Variants in LAPTM4B observed in about 807,000 individuals in gnomAD.
LAPTM4B encodes lysosomal-associated transmembrane protein 4B.
Under a neutral mutation model 28.5 loss-of-function variants are expected in LAPTM4B, and 26 were observed. The ratio of observed to expected loss-of-function variants is 0.91; its 90% CI spans 0.67 to 1.27. The LOEUF (loss-of-function observed/expected upper bound fraction) is 1.27. LAPTM4B is among the 50% of genes most tolerant of loss of function. LAPTM4B has a pLI of 0.00. For synonymous variants in LAPTM4B, 109 were observed against 106.4 expected, an observed-to-expected ratio of 1.02 and a Z score of -0.15; for missense variants, 288 against 285.8, an observed-to-expected ratio of 1.01 and a Z score of -0.06.
At chr8:97,815,454 A>G in intron 3 of LAPTM4B, 53 bp downstream of exon 3, 1 of 1,211,166 alleles carries the variant, frequency 8.3e-7, no homozygotes, top group Non-Finnish European at 1.2e-6. Context: ...TTACATGTGT[A>G]ATCTGTGCTG....
chr8:97,805,758 G>A (rs745920692), intron 2 of LAPTM4B, among the ~76,000 whole-genome samples: 3 of 152,134 alleles, frequency 2.0e-5, no homozygotes, highest in Non-Finnish European at 4.4e-5. Flanking sequence ...ATGCCAGGAA[G>A]GAAGGTGAAA....
intron 3 of LAPTM4B, 73 bp from the exon 4 acceptor site, chr8:97,815,985 A>G: frequency 1.8e-6 from 2 of 1,083,690 alleles, no homozygotes; most frequent in East Asian, 3.2e-5. Context: ...GATTAATAAA[A>G]TACTTTGAAT....
chr8:97,840,002 G>A (rs1266199879), intron 6 of LAPTM4B, among the ~76,000 whole-genome samples: 2 of 152,164 alleles, frequency 1.3e-5, no homozygotes, highest in South Asian at 2.1e-4. Context: ...CATGTTCTGT[G>A]GCAGCAGCTG....
At chr8:97,786,399 C>T (rs1266918145) in intron 1 of LAPTM4B, among the ~76,000 whole-genome samples, 1 of 113,832 alleles carries the variant, frequency 8.8e-6, no homozygotes, top group Non-Finnish European at 1.7e-5. Flanking sequence ...GTAAACATAA[C>T]ATTGAACTTA....
At chr8:97,810,110 T>C (rs972561418) in intron 2 of LAPTM4B, among the ~76,000 whole-genome samples, 1 of 151,994 alleles carries the variant, frequency 6.6e-6, no homozygotes, top group Non-Finnish European at 1.5e-5. Context: ...TTTGTAGAGA[T>C]GGGGTTTTGT....
chr8:97,824,981 A>G (rs1817071058), intron 5 of LAPTM4B, 77 bp from the exon 6 acceptor site: 1 of 787,208 alleles, frequency 1.3e-6, no homozygotes, highest in Non-Finnish European at 2.2e-6. Context: ...GTTTTATAAT[A>G]TGGCTTTATC....
At chr8:97,821,529 G>C in intron 5 of LAPTM4B, among the ~76,000 whole-genome samples, 1 of 151,150 alleles carries the variant, frequency 6.6e-6, no homozygotes, top group African/African-American at 2.5e-5. Flanking sequence ...AGCAGGTAGT[G>C]AGGACGTGTG....
chr8:97,816,323 C>CT (rs1816914825), intron 4 of LAPTM4B, 143 bp downstream of exon 4: 37 of 707,762 alleles, frequency 5.2e-5, no homozygotes, highest in South Asian at 1.4e-4. Flanking sequence ...TTTCTTTTTT[C>CT]TTTTTTTTGA....
chr8:97,780,920 A>G (rs1393218176), intron 1 of LAPTM4B, among the ~76,000 whole-genome samples: 1 of 151,972 alleles, frequency 6.6e-6, no homozygotes, highest in Non-Finnish European at 1.5e-5. Context: ...GGGAGACTTC[A>G]GGTATTTATT....
chr8:97,795,135 T>C (rs1816562189), intron 1 of LAPTM4B, among the ~76,000 whole-genome samples: 1 of 152,234 alleles, frequency 6.6e-6, no homozygotes, highest in Non-Finnish European at 1.5e-5. Context: ...AATCTCACTT[T>C]GTCACTCAGA....
chr8:97,775,948 A>AGC lies in LAPTM4B; in HGVS notation c.-61_-60insCG. The AGC allele has an allele frequency of 6.7e-7, 1 of 1,498,984 alleles. No homozygotes were observed. Among genetic ancestry groups the AGC allele is most frequent in the Non-Finnish European group, 8.8e-7 (1 of 1,133,760 alleles). The allele number at this position is 1,498,984 out of a possible 1,614,324, so 92.9% of individuals were successfully genotyped here. On this transcript the variant is annotated 5_prime_UTR_variant, in exon 1 of 7. Coordinates refer to ENST00000521545, the MANE Select transcript of LAPTM4B (RefSeq NM_018407.6). ...CGGCAGCAGCGGCGCGGCGGGCTCC[A>AGC]GGCGAGGCGGTCGACGCTCCTGAAA...
intron 6 of LAPTM4B, among the ~76,000 whole-genome samples, chr8:97,832,685 T>TATTTCATTTC (rs370922687): frequency 1.3e-5 from 2 of 148,198 alleles, no homozygotes; most frequent in Non-Finnish European, 3.0e-5. Context: ...ATTTTTATTT[T>TATTTCATTTC]ATTTTATTTT....
chr8:97,840,168 A>G (rs1817324344), intron 6 of LAPTM4B, among the ~76,000 whole-genome samples: 1 of 152,168 alleles, frequency 6.6e-6, no homozygotes. Flanking sequence ...TGCTTATTTC[A>G]TTTCCTCAAT....
intron 1 of LAPTM4B, among the ~76,000 whole-genome samples, chr8:97,777,549 A>T (rs1241323849): frequency 6.6e-6 from 1 of 152,006 alleles, no homozygotes; most frequent in Non-Finnish European, 1.5e-5. Context: ...TCTAACTGTG[A>T]ACCCCTTCCT....
intron 6 of LAPTM4B, among the ~76,000 whole-genome samples, chr8:97,839,483 G>A (rs1441717486): frequency 6.6e-6 from 1 of 152,122 alleles, no homozygotes; most frequent in Non-Finnish European, 1.5e-5. Flanking sequence ...GTGAACCACT[G>A]CGCCCGGCCA....
intron 1 of LAPTM4B, among the ~76,000 whole-genome samples, chr8:97,797,282 G>A (rs1196719748): frequency 6.6e-6 from 1 of 151,982 alleles, no homozygotes; most frequent in Non-Finnish European, 1.5e-5. Context: ...TTACAGACAT[G>A]CGCCACCACG....
chr8:97,797,665 ATCAGTGGGT>A (rs1490964574), intron 1 of LAPTM4B, among the ~76,000 whole-genome samples: 1 of 149,980 alleles, frequency 6.7e-6, no homozygotes, highest in African/African-American at 2.5e-5. Context: ...TAATTACTGT[ATCAGTGGGT>A]TTGAATGTTC....
intron 6 of LAPTM4B, among the ~76,000 whole-genome samples, chr8:97,827,676 C>T (rs1817111724): frequency 6.6e-6 from 1 of 152,086 alleles, no homozygotes; most frequent in Non-Finnish European, 1.5e-5. Flanking sequence ...GTATTATGTG[C>T]GCATCTAAGC....
chr8:97,846,055 A>G (rs917881088), intron 6 of LAPTM4B, among the ~76,000 whole-genome samples: 1 of 150,650 alleles, frequency 6.6e-6, no homozygotes, highest in Non-Finnish European at 1.5e-5. Context: ...GGGTCTTGCT[A>G]TGTTGTCCAC....
Sources: gnomAD v4.1 joint callset for allele counts (sites outside exome capture counted in the v4.1 genomes callset) on GRCh38, gnomAD v4.1.1 for gene constraint, MANE v1.5 for transcripts, NCBI Gene and HGNC (gene_info 2026-07-23, HGNC 2026-07-21) for gene names.